CASK: variants seen among roughly 807,000 people sequenced by gnomAD.
CASK encodes peripheral plasma membrane protein CASK.
In CASK, 4 loss-of-function variants were observed where a neutral mutation model predicts 82.9. The observed-to-expected ratio is 0.05, with a 90% CI of 0.02 to 0.11. The LOEUF (loss-of-function observed/expected upper bound fraction) is 0.11, where lower values mean the gene tolerates loss of function less well. CASK is among the 10% of genes least tolerant of loss of function. The pLI, the probability that CASK is intolerant of heterozygous loss-of-function variation, is 1.00. For missense variants in CASK, 358 were observed against 720.9 expected, an observed-to-expected ratio of 0.50 and a Z score of 5.76; for synonymous variants, 259 against 253.5, an observed-to-expected ratio of 1.02 and a Z score of -0.20.
chrX:41,721,445 A>G (rs963465353), intron 5 of CASK, among the ~76,000 whole-genome samples: 3 of 111,583 alleles, frequency 2.7e-5, no homozygotes, highest in Admixed American at 9.5e-5. Flanking sequence ...TTTCAAAGAC[A>G]GAAAAAAACT....
chrX:41,547,626 A>AT (rs775586195), intron 21 of CASK, among the ~76,000 whole-genome samples: 2,227 of 99,665 alleles, frequency 0.022, 59 homozygotes, highest in African/African-American at 0.07. Flanking sequence ...TCGTATATTG[A>AT]TTTTTTTTTT....
At chrX:41,552,486 C>G (rs2065113617) in intron 21 of CASK, 1 of 111,318 alleles carries the variant, frequency 9.0e-6, no homozygotes, top group Admixed American at 9.6e-5. Flanking sequence ...GGAATCTACA[C>G]AATTATTTTC....
At chrX:41,600,306 T>C (rs1460874123) in intron 12 of CASK, among the ~76,000 whole-genome samples, 1 of 112,164 alleles carries the variant, frequency 8.9e-6, no homozygotes, top group Non-Finnish European at 1.9e-5. Flanking sequence ...TTTTATGAGA[T>C]CATGTTTGAA....
chrX:41,612,804 G>T (rs1461988289), intron 11 of CASK, among the ~76,000 whole-genome samples: 1 of 99,692 alleles, frequency 1.0e-5, no homozygotes, highest in Non-Finnish European at 2.1e-5. Context: ...AAGCTGAGGG[G>T]CGCCTCTGCC....
At chrX:41,656,940 T>C (rs1240681882) in intron 8 of CASK, among the ~76,000 whole-genome samples, 2 of 111,797 alleles carry the variant, frequency 1.8e-5, no homozygotes, top group Non-Finnish European at 3.8e-5. Context: ...ACTATGTTTT[T>C]AAACCTTGTG....
At chrX:41,612,537 G>A (rs2066091274) in intron 11 of CASK, among the ~76,000 whole-genome samples, 1 of 104,951 alleles carries the variant, frequency 9.5e-6, no homozygotes, top group African/African-American at 3.5e-5. Context: ...GTGGGGGTCA[G>A]CCCCCCGCCC....
intron 14 of CASK, among the ~76,000 whole-genome samples, chrX:41,579,262 C>T (rs976549693): frequency 8.9e-6 from 1 of 111,906 alleles, no homozygotes; most frequent in Admixed American, 9.5e-5. Flanking sequence ...ACCTTAAAAA[C>T]GTAATCTTCC....
chrX:41,565,158 C>T (rs919604187), intron 16 of CASK, among the ~76,000 whole-genome samples: 10 of 111,699 alleles, frequency 9.0e-5, no homozygotes, highest in African/African-American at 3.3e-4. Flanking sequence ...GACACCCTAG[C>T]ATCACGATTA....
chrX:41,585,233 T>G (rs2065639240), intron 14 of CASK: 1 of 112,999 alleles, frequency 8.8e-6, no homozygotes. Context: ...AAAAATGCAC[T>G]CATCTACAGG....
intron 5 of CASK, among the ~76,000 whole-genome samples, chrX:41,735,726 G>A (rs1448624617): frequency 1.8e-5 from 2 of 110,332 alleles, no homozygotes; most frequent in East Asian, 2.8e-4. Context: ...CCTGTCTTTC[G>A]GTCTTTGCAC....
At chrX:41,774,975 C>T (rs2069323178) in intron 3 of CASK, among the ~76,000 whole-genome samples, 1 of 111,429 alleles carries the variant, frequency 9.0e-6, no homozygotes, top group Non-Finnish European at 1.9e-5. Flanking sequence ...AAGGCATGGG[C>T]AAGGACTTCA....
At chrX:41,818,069 T>A (rs992142877) in intron 2 of CASK, among the ~76,000 whole-genome samples, 3 of 109,408 alleles carry the variant, frequency 2.7e-5, no homozygotes, top group Non-Finnish European at 5.7e-5. Flanking sequence ...TATGCACGTT[T>A]CATTTAACAT....
At chrX:41,853,648 C>A (rs1352204897) in intron 1 of CASK, among the ~76,000 whole-genome samples, 1 of 111,419 alleles carries the variant, frequency 9.0e-6, no homozygotes, top group Non-Finnish European at 1.9e-5. Flanking sequence ...TCATCTTACC[C>A]ACCATTTACC....
intron 9 of CASK, among the ~76,000 whole-genome samples, chrX:41,636,255 ATATT>A (rs1383790297): frequency 8.9e-6 from 1 of 111,771 alleles, no homozygotes; most frequent in Non-Finnish European, 1.9e-5. Flanking sequence ...ATTTGTCAAA[ATATT>A]TAAGTTTGAA....
chrX:41,811,575 A>G (rs1332306273), intron 2 of CASK, among the ~76,000 whole-genome samples: 3 of 112,631 alleles, frequency 2.7e-5, no homozygotes, highest in African/African-American at 6.5e-5. Context: ...AATCTCTGGG[A>G]CACATTTAAA....
At chrX:41,569,378 G>A (rs1001789116) in intron 16 of CASK, among the ~76,000 whole-genome samples, 25 of 111,394 alleles carry the variant, frequency 2.2e-4, no homozygotes, top group African/African-American at 8.2e-4. Flanking sequence ...ACATGCTGGA[G>A]CCTGTGCAGA....
intron 11 of CASK, among the ~76,000 whole-genome samples, chrX:41,611,848 G>A (rs1341327651): frequency 1.8e-5 from 2 of 110,230 alleles, no homozygotes; most frequent in Admixed American, 1.9e-4. Context: ...GCAGGCGCGC[G>A]CCGCCACGCC....
At chrX:41,689,819 C>T (rs1018818054) in intron 5 of CASK, 1 of 111,429 alleles carries the variant, frequency 9.0e-6, no homozygotes, top group African/African-American at 3.3e-5. Flanking sequence ...TGAAAGGTTG[C>T]GACTATTACC....
chrX:41,661,217 A>ATC (rs781447690), intron 7 of CASK, among the ~76,000 whole-genome samples: 1 of 111,851 alleles, frequency 8.9e-6, no homozygotes, highest in Non-Finnish European at 1.9e-5. Flanking sequence ...AAGGCTGTGG[A>ATC]TCTGTGAGCC....
Sources: gnomAD v4.1 joint callset for allele counts (sites outside exome capture counted in the v4.1 genomes callset) on GRCh38, gnomAD v4.1.1 for gene constraint, MANE v1.5 for transcripts, NCBI Gene and HGNC (gene_info 2026-07-23, HGNC 2026-07-21) for gene names.